The following PMPCB variants were observed in gnomAD, a reference collection of about 807,000 sequenced individuals.
PMPCB encodes the protein mitochondrial-processing peptidase subunit beta.
Under a neutral mutation model 61.5 loss-of-function variants are expected in PMPCB, and 46 were observed. That is an observed-to-expected ratio of 0.75 (90% CI 0.59 to 0.96). PMPCB has a LOEUF of 0.96. Ranked by LOEUF, PMPCB falls within the 40% of genes least tolerant of loss-of-function variation. The probability of loss-of-function intolerance (pLI) is 0.00; values close to 1 mark genes in which losing one functional copy is unlikely to be tolerated. For missense variants in PMPCB, 590 were observed against 602.4 expected, an observed-to-expected ratio of 0.98 and a Z score of 0.22; for synonymous variants, 191 against 201.6, an observed-to-expected ratio of 0.95 and a Z score of 0.44.
chr7:103,327,768 C>G, intron 12 of PMPCB: 2 of 1,577,358 alleles, frequency 1.3e-6, no homozygotes, highest in African/African-American at 2.7e-5. Context: ...CAAAACCAGT[C>G]AGATTGAGAT....
rs994269867 is a variant in PMPCB, at chr7:103,309,074, T to C, written c.972T>C (p.Asp324=). The C allele has an allele frequency of 1.2e-6, 2 of 1,606,936 alleles. No individual in the cohort carries two copies. The highest frequency in any genetic ancestry group is 1.3e-5 in the African/African-American group (1 of 74,530). The change falls in exon 8 of 13, where the codon GAT becomes GAC. Residue 324 remains aspartate, a synonymous_variant. Coordinates refer to ENST00000249269, the MANE Select transcript of PMPCB (RefSeq NM_004279.3). ...MVANTLIGNW[D]RSFGGGMNLS... ...CAAACACGCTGATTGGCAACTGGGA[T>C]CGCTCTTTTGGGGGAGGAATGGTAA...
Position 103,311,955 on chromosome 7 carries a change from G to A in PMPCB, c.1329+59G>A, listed in dbSNP as rs1817770477. 4 of 1,519,454 alleles carry A rather than the reference G, an allele frequency of 2.6e-6. No homozygotes were observed. In the South Asian group the frequency reaches 4.7e-5, roughly 18 times the overall value. 94.1% of individuals were successfully genotyped at this position (1,519,454 alleles called of 1,614,324 possible). ...TAAAAAGATCCTTGTTACAAAAGCT[G>A]AGAATATGTATCTTTCATCTTGCTT... On this transcript the variant is annotated intron_variant, in intron 11 of 12. Coordinates refer to ENST00000249269, the MANE Select transcript of PMPCB (RefSeq NM_004279.3).
At chr7:103,319,728 G>C in intron 12 of PMPCB, 1 of 1,613,948 alleles carries the variant, frequency 6.2e-7, no homozygotes. Context: ...CTCAAGTGAA[G>C]ACTTCAATAG....
chr7:103,329,984 C>T (rs939018136), downstream of PMPCB, among the ~76,000 whole-genome samples: 19 of 152,080 alleles, frequency 1.2e-4, no homozygotes, highest in Admixed American at 3.3e-4. Context: ...GCTGCTTCAC[C>T]CCTGGATTTT....
At chr7:103,323,813 T>C (rs554344620) in intron 12 of PMPCB, 7 of 606,052 alleles carry the variant, frequency 1.2e-5, no homozygotes, top group Admixed American at 4.9e-5. Context: ...TTTAAGGACA[T>C]TGCATTTGGT....
downstream of PMPCB, among the ~76,000 whole-genome samples, chr7:103,334,375 A>T (rs1819086036): frequency 6.6e-6 from 1 of 151,646 alleles, no homozygotes; most frequent in Non-Finnish European, 1.5e-5. Context: ...CAGCCTGGTC[A>T]ACGTGGTGAA....
intron 12 of PMPCB, chr7:103,324,673 C>T: frequency 9.8e-7 from 1 of 1,019,106 alleles, no homozygotes; most frequent in Non-Finnish European, 1.3e-6. Flanking sequence ...CTCTGATTTC[C>T]CTTCCCTACA....
chr7:103,310,645 C>A, intron 9 of PMPCB, 170 bp downstream of exon 9: 18 of 405,022 alleles, frequency 4.4e-5, no homozygotes, highest in Middle Eastern at 7.1e-4. Context: ...TCCTAAGTCT[C>A]AAGATGTGAA....
the PMPCB span, chr7:103,335,534 CTTTCTTTT>C: frequency 6.7e-6 from 1 of 150,098 alleles, no homozygotes; most frequent in African/African-American, 2.4e-5. Context: ...TTCTTTCTTT[CTTTCTTTT>C]TTTTTTTTTT....
At chr7:103,297,695 G>C in intron 1 of PMPCB, 137 bp downstream of exon 1, 2 of 1,536,720 alleles carry the variant, frequency 1.3e-6, no homozygotes, top group Non-Finnish European at 1.7e-6. Flanking sequence ...GCGCCAGGCG[G>C]CCTGGGGCTG....
Position 103,312,975 on chromosome 7 carries a change from G to T in PMPCB, c.*704G>T. The T allele has an allele frequency of 6.2e-7, 1 of 1,613,816 alleles. No individual in the cohort carries two copies. Among genetic ancestry groups the T allele is most frequent in the Non-Finnish European group, 8.5e-7 (1 of 1,179,914 alleles). On this transcript the variant is annotated 3_prime_UTR_variant, in exon 13 of 13. Transcript: ENST00000249269. The stretch of plus-strand genomic sequence containing the variant: ...GTATCGTTTCATGCAGTCCTTCTTT[G>T]TCCTGCCAGGCACCGCTTCTGCTAT...
At chr7:103,322,174 A>T (rs1354469657) in intron 12 of PMPCB, 1 of 995,490 alleles carries the variant, frequency 1.0e-6, no homozygotes, top group Non-Finnish European at 1.4e-6. Context: ...AATAAATTAT[A>T]TTAGGAAAAA....
At chr7:103,324,791 C>T (rs756777803) in intron 12 of PMPCB, 6 of 284,988 alleles carry the variant, frequency 2.1e-5, no homozygotes, top group Non-Finnish European at 3.9e-5. Flanking sequence ...AGAGAAACAA[C>T]GGGACAGACT....
the PMPCB span, chr7:103,344,804 C>T: frequency 1.1e-5 from 7 of 636,992 alleles, no homozygotes; most frequent in African/African-American, 3.6e-5. Context: ...GGTGTGGAGG[C>T]CAGTCTCACA....
Position 103,299,481 on chromosome 7 carries a change from T to G in PMPCB, c.279T>G (p.Asn93Lys). The change falls in exon 3 of 13, where the codon AAT (asparagine) becomes AAG (lysine). Residue 93 changes from asparagine (N) to lysine (K), a missense_variant. Transcript: ENST00000249269. ...LWIDAGSRYE[N>K]EKNNGTAHFL... ...TTGATGCTGGAAGTAGATACGAAAATGAGAAGAACAATGGAACAGCACACT... is the reference window on the plus strand; with the variant it reads ...TTGATGCTGGAAGTAGATACGAAAAGGAGAAGAACAATGGAACAGCACACT... The G allele has an allele frequency of 6.2e-7, 1 of 1,612,962 alleles. No homozygotes were observed. Among genetic ancestry groups the G allele is most frequent in the Non-Finnish European group, 8.5e-7 (1 of 1,179,214 alleles).
intron 12 of PMPCB, chr7:103,326,669 G>C: frequency 6.2e-7 from 1 of 1,607,138 alleles, no homozygotes; most frequent in Non-Finnish European, 8.5e-7. Flanking sequence ...CACTGGATCA[G>C]ATAACATTTC....
exon 13 of PMPCB, chr7:103,329,233 ATCT>A (rs1818864384): frequency 8.5e-6 from 2 of 234,550 alleles, no homozygotes; most frequent in Admixed American, 1.2e-4. Flanking sequence ...TTACCAGTTA[ATCT>A]TCTCCATGAT....
downstream of PMPCB, among the ~76,000 whole-genome samples, chr7:103,333,647 C>G (rs1377155464): frequency 6.6e-6 from 1 of 152,148 alleles, no homozygotes; most frequent in East Asian, 1.9e-4. Context: ...TCCCTTGTAC[C>G]CTTTTCCACT....
chr7:103,315,743 GT>G, downstream of PMPCB: 1 of 1,551,662 alleles, frequency 6.4e-7, no homozygotes, highest in Non-Finnish European at 8.9e-7. Flanking sequence ...CATTTTCTAC[GT>G]TTAGAAAAGC....
Sources: allele counts gnomAD v4.1 joint callset (sites outside exome capture counted in the v4.1 genomes callset), GRCh38; gene constraint gnomAD v4.1.1; transcripts MANE v1.5; gene names NCBI Gene and HGNC (gene_info 2026-07-23, HGNC 2026-07-21).